The following INO80E variants were observed in gnomAD, a reference collection of about 807,000 sequenced individuals.
The protein encoded by INO80E is coiled-coil domain containing 95.
Under a neutral mutation model 27.3 loss-of-function variants are expected in INO80E, and 20 were observed. The ratio of observed to expected loss-of-function variants is 0.73; its 90% CI spans 0.51 to 1.06. The LOEUF is 1.06. Ranked by LOEUF, INO80E falls within the 50% of genes least tolerant of loss-of-function variation. The pLI is 0.00. For synonymous variants in INO80E, 167 were observed against 145.9 expected (o/e 1.14, Z -1.04); for missense variants, 357 against 322.8 (o/e 1.11, Z -0.81).
chr16:30,003,212 G>C lies in INO80E; in HGVS notation c.513+1682G>C, dbSNP rs1316622488. ...GTCCATGGCTGTCGGGGGAGGTGGGGAGAAGCCAGGAAAGGCCTCAGCAAG... is the reference window on the plus strand; with the variant it reads ...GTCCATGGCTGTCGGGGGAGGTGGGCAGAAGCCAGGAAAGGCCTCAGCAAG... On this transcript the variant is annotated intron_variant, in intron 6 of 6. Transcript: ENST00000563197. This position sits in a 1 kb window ranked among gnomAD's most constrained non-coding sequence, Gnocchi z 4.4. The C allele has an allele frequency of 6.6e-6, 1 of 152,394 alleles. No homozygotes were observed. The highest frequency in any genetic ancestry group is 1.5e-5 in the Non-Finnish European group (1 of 68,220). The allele number at this position is 152,394 out of a possible 1,614,324, so 9.4% of individuals were successfully genotyped here. A position where few individuals can be genotyped will look rare whatever the true frequency, so the allele number is the denominator to read the frequency against.
chr16:29,999,248 C>T (rs1345067087), intron 3 of INO80E: 2 of 152,240 alleles, frequency 1.3e-5, no homozygotes, highest in African/African-American at 4.8e-5. Flanking sequence ...AGCCTCTCAT[C>T]CCCTGCCTCT....
intron 3 of INO80E, among the ~76,000 whole-genome samples, chr16:29,998,968 C>T (rs1361371043): frequency 6.6e-6 from 1 of 151,910 alleles, no homozygotes; most frequent in Non-Finnish European, 1.5e-5. Flanking sequence ...TGGTGTGAAC[C>T]CGGGAGGCGG....
intron 1 of INO80E, 70 bp from the exon 2 acceptor site, chr16:29,996,477 G>A: frequency 6.4e-7 from 1 of 1,550,692 alleles, no homozygotes; most frequent in Non-Finnish European, 8.7e-7. Flanking sequence ...TGGGTGGGGC[G>A]AGCGGCCGCT....
intron 6 of INO80E, chr16:30,001,806 G>C (rs1489441947): frequency 2.3e-6 from 1 of 436,080 alleles, no homozygotes; most frequent in African/African-American, 2.0e-5. Context: ...CATTTTCCCA[G>C]GGGGGCGTGT....
rs773219530 is a variant in INO80E, at chr16:30,001,378, T to TCCG, written c.397-33_397-31dup. Reference sequence around the variant, plus strand: ...TTCCCCCACCCTCACCCCGGTCCATTCCGCCTCCCATCTCCATCCCCGCTC... The same window carrying TCCG: ...TTCCCCCACCCTCACCCCGGTCCATTCCGCCGCCTCCCATCTCCATCCCCGCTC... On this transcript the variant is annotated intron_variant, in intron 5 of 6. Coordinates refer to ENST00000563197, the MANE Select transcript of INO80E (RefSeq NM_173618.3). The TCCG allele has an allele frequency of 1.2e-5, 19 of 1,553,260 alleles. No individual in the cohort carries two copies. In the East Asian group the frequency reaches 3.6e-4, roughly 29 times the overall value.
rs898423563 is a variant in INO80E at position 30,003,634 on chromosome 16, C to G, written c.514-1587C>G. On this transcript the variant is annotated intron_variant, in intron 6 of 6. Coordinates refer to ENST00000563197, the MANE Select transcript of INO80E (RefSeq NM_173618.3). This position sits in a 1 kb window ranked among gnomAD's most constrained non-coding sequence, Gnocchi z 4.4. ...TCATTTCACTCTTTAAGCCACAGCT[C>G]TCTTTCTCCATTCAGTGGCGGCATT... The G allele has an allele frequency of 6.6e-6, 1 of 152,276 alleles. No individual in the cohort carries two copies. Among genetic ancestry groups the G allele is most frequent in the African/African-American group, 2.4e-5 (1 of 41,456 alleles). The allele number at this position is 152,276 out of a possible 1,614,324, so 9.4% of individuals were successfully genotyped here.
intron 4 of INO80E, 43 bp from the exon 5 acceptor site, chr16:30,000,886 T>A (rs770622699): frequency 6.2e-7 from 1 of 1,610,082 alleles, no homozygotes; most frequent in Admixed American, 1.7e-5. Context: ...GTGGGGCGCC[T>A]GGGCTCCTAG....
At position 29,996,359 on chromosome 16, in the gene INO80E, A is replaced by C; in HGVS notation, c.49A>C (p.Asn17His). 1.3e-6 allele frequency: 2 copies of C among 1,599,732 alleles called. No individual in the cohort carries two copies. Among genetic ancestry groups the C allele is most frequent in the Non-Finnish European group, 1.7e-6 (2 of 1,173,236 alleles). ...AGTGGACTACAAAAAAAAATACCGG[A>C]ATCTGAAGCGGAAGCTCAAGTTCCT... ...GEVDYKKKYR[N>H]LKRKLKFLIY... Residue 17 changes from asparagine (N) to histidine (H), a missense_variant, in exon 1 of 7, where the codon AAT becomes CAT. Transcript: ENST00000563197.
In INO80E at chr16:30,005,308, A is replaced by AGCCC; in HGVS notation, c.601_602insGCCC (p.Thr201SerfsTer8). The AGCCC allele has an allele frequency of 7.7e-6, 4 of 521,328 alleles. No individual in the cohort carries two copies. Among genetic ancestry groups the AGCCC allele is most frequent in the Non-Finnish European group, 8.9e-6 (3 of 335,730 alleles). 32.3% of individuals were successfully genotyped at this position (521,328 alleles called of 1,614,324 possible). Reference sequence around the variant, plus strand: ...TGGGGCTGGGGTCGGGACAACCCTGACCCCCCTCCCACCCCCTAAGATGCC... The same window carrying AGCCC: ...TGGGGCTGGGGTCGGGACAACCCTGAGCCCCCCCCCTCCCACCCCCTAAGATGCC... On this transcript the variant is annotated frameshift_variant, in exon 7 of 7. Transcript: ENST00000563197. LOFTEE classifies it high-confidence loss of function.
rs564086718 is a variant in INO80E at position 30,000,229 on chromosome 16, G to T, written c.206-529G>T. Among the ~76,000 whole-genome samples the T allele has an allele frequency of 7.9e-5, 12 of 152,228 alleles. No homozygotes were observed. The East Asian group carries it at 2.3e-3, about 29-fold the overall frequency. On this transcript the variant is annotated intron_variant, in intron 3 of 6. Transcript: ENST00000563197. The stretch of plus-strand genomic sequence containing the variant: ...CACCCTGGCCATGCGTGGCAGGTGT[G>T]TTACGGAGGAACCAGAGCGGGCGGG...
intron 3 of INO80E, among the ~76,000 whole-genome samples, chr16:29,997,211 A>C (rs2070159203): frequency 6.6e-6 from 1 of 152,144 alleles, no homozygotes; most frequent in South Asian, 2.1e-4. Flanking sequence ...TGCGGTAATG[A>C]TTATAGTAGA....
At position 30,005,233 on chromosome 16, in the gene INO80E, C is replaced by T. The variant is rs555961863; in HGVS notation, c.526C>T (p.Pro176Ser). Residue 176 changes from proline to serine, a missense_variant, in exon 7 of 7, where the codon CCC (proline) becomes TCC (serine). By Grantham distance (74) the Pro-to-Ser change is moderately conservative. Transcript: ENST00000563197. ...LPRKLKMAVG[P>S]PDCPVGGPLT... ...CCCCCTGCTGCAGATGGCGGTGGGA[C>T]CCCCCGACTGCCCTGTGGGAGGGCC... The T allele has an allele frequency of 2.8e-6, 4 of 1,440,000 alleles. No homozygotes were observed. The highest frequency in any genetic ancestry group is 1.5e-5 in the African/African-American group (1 of 67,150). 89.2% of individuals were successfully genotyped at this position (1,440,000 alleles called of 1,614,324 possible). A position where few individuals can be genotyped will look rare whatever the true frequency, so the allele number is the denominator to read the frequency against.
In INO80E at chr16:30,005,475, G is replaced by T. The variant is rs890599570; in HGVS notation, c.*33G>T. On this transcript the variant is annotated 3_prime_UTR_variant, in exon 7 of 7. Transcript: ENST00000563197. Reference sequence around the variant, plus strand: ...ATCACGCCATGCCCACCACGGCCCCGCCCGGCGCCCTCCCCGTGCCAGCAC... The same window carrying T: ...ATCACGCCATGCCCACCACGGCCCCTCCCGGCGCCCTCCCCGTGCCAGCAC... 7 of 1,555,974 alleles carry T rather than the reference G, an allele frequency of 4.5e-6. No individual in the cohort carries two copies. The highest frequency in any genetic ancestry group is 3.8e-5 in the Admixed American group (2 of 52,806).
At position 29,996,343 on chromosome 16, in the gene INO80E, C is replaced by CA. The variant is rs762875806; in HGVS notation, c.42dup (p.Tyr15IlefsTer51). ...GGCCGGCGGACGGCGAAGTGGACTA[C>CA]AAAAAAAAATACCGGAATCTGAAGC... is the stretch of plus-strand genomic sequence containing the variant. On this transcript the variant is annotated frameshift_variant, in exon 1 of 7. Coordinates refer to ENST00000563197, the MANE Select transcript of INO80E (RefSeq NM_173618.3). LOFTEE classifies it high-confidence loss of function. 6.2e-5 allele frequency: 99 copies of CA among 1,585,348 alleles called. No individual in the cohort carries two copies. Among genetic ancestry groups the CA allele is most frequent in the Middle Eastern group, 5.0e-4 (3 of 6,010 alleles).
At position 30,000,867 on chromosome 16, in the gene INO80E, G is replaced by A. The variant is rs2070322969; in HGVS notation, c.284+31G>A. 4 of 1,612,562 alleles carry A rather than the reference G, an allele frequency of 2.5e-6. No individual in the cohort carries two copies. The African/African-American group carries it at 4.0e-5, about 16-fold the overall frequency. ...AAGAAGATGCATTCCTCTCGCTGGG[G>A]AGGGTCAGGTGGGGCGCCTGGGCTC... On this transcript the variant is annotated intron_variant, in intron 4 of 6. Transcript: ENST00000563197.
intron 6 of INO80E, among the ~76,000 whole-genome samples, chr16:30,004,950 G>A (rs1419172664): frequency 6.6e-6 from 1 of 152,166 alleles, no homozygotes; most frequent in African/African-American, 2.4e-5. Flanking sequence ...GCGCCTCCCT[G>A]GAGAGGGCAG....
At chr16:29,996,692 GC>G in intron 2 of INO80E, 75 bp downstream of exon 2, 9 of 1,585,556 alleles carry the variant, frequency 5.7e-6, no homozygotes, top group Non-Finnish European at 7.8e-6. Flanking sequence ...CCCGAGTAGG[GC>G]CACAAGTGCA....
chr16:30,000,619 C>T (rs1223145566), intron 3 of INO80E, 139 bp from the exon 4 acceptor site: 5 of 657,956 alleles, frequency 7.6e-6, no homozygotes, highest in Non-Finnish European at 1.3e-5. Flanking sequence ...GCCACCTCAG[C>T]CTCTCACAGT....
chr16:30,005,327 A>ACCCCCCCCCCCCCCCCCAGGC lies in INO80E; in HGVS notation c.620_621insCCCCCCCCCCCCCCCCCAGGC (p.Lys207delinsAsnProProProProProGlnAla). 2.5e-6 allele frequency: 1 copy of ACCCCCCCCCCCCCCCCCAGGC among 397,910 alleles called. No individual in the cohort carries two copies. Among genetic ancestry groups the ACCCCCCCCCCCCCCCCCAGGC allele is most frequent in the South Asian group, 7.5e-5 (1 of 13,310 alleles). The allele number at this position is 397,910 out of a possible 1,614,324, so 24.6% of individuals were successfully genotyped here. A position where few individuals can be genotyped will look rare whatever the true frequency, so the allele number is the denominator to read the frequency against. ...ACCCTGACCCCCCTCCCACCCCCTA[A>ACCCCCCCCCCCCCCCCCAGGC]GATGCCCCCCCCCACGATCCTGAGC... On this transcript the variant is annotated protein_altering_variant, in exon 7 of 7. Coordinates refer to ENST00000563197, the MANE Select transcript of INO80E (RefSeq NM_173618.3).
Sources: gnomAD v4.1 joint callset for allele counts (sites outside exome capture counted in the v4.1 genomes callset) on GRCh38, gnomAD v4.1.1 for gene constraint, Gnocchi (gnomAD v3.1) non-coding constraint, MANE v1.5 for transcripts, NCBI Gene and HGNC (gene_info 2026-07-23, HGNC 2026-07-21) for gene names.